FAM120A: variants seen among roughly 807,000 people sequenced by gnomAD.
FAM120A encodes the protein family with sequence similarity 120 member A, also known as constitutive coactivator of PPAR-gamma-like protein 1.
In FAM120A, 15 loss-of-function variants were observed where a neutral mutation model predicts 109.7. That is an observed-to-expected ratio of 0.14 (90% CI 0.09 to 0.21). FAM120A has a LOEUF of 0.21. Ranked by LOEUF, FAM120A falls within the 10% of genes least tolerant of loss-of-function variation. FAM120A has a pLI of 1.00. For synonymous variants in FAM120A, 493 were observed against 572.8 expected, an observed-to-expected ratio of 0.86 and a Z score of 1.99; for missense variants, 899 against 1,439.3, an observed-to-expected ratio of 0.62 and a Z score of 6.07.
At chr9:93,466,748 G>A (rs941687137) in intron 1 of FAM120A, among the ~76,000 whole-genome samples, 1 of 152,044 alleles carries the variant, frequency 6.6e-6, no homozygotes, top group African/African-American at 2.4e-5. Flanking sequence ...CCTGAACACC[G>A]GTTCTCACTG....
chr9:93,498,184 G>A lies in FAM120A; in HGVS notation c.933+585G>A, dbSNP rs1381381938. Among the ~76,000 whole-genome samples the A allele has an allele frequency of 6.6e-6, 1 of 152,184 alleles. No individual in the cohort carries two copies. Among genetic ancestry groups the A allele is most frequent in the Non-Finnish European group, 1.5e-5 (1 of 68,032 alleles). ...CCGAGGCGGGCGGATCACGAGGTCA[G>A]GAGTTTGAGACTAGCCTGGCCAACA... On this transcript the variant is annotated intron_variant, in intron 4 of 17. Coordinates refer to ENST00000277165, the MANE Select transcript of FAM120A (RefSeq NM_014612.5). This position sits in a 1 kb window ranked among gnomAD's most constrained non-coding sequence, Gnocchi z 4.4.
At chr9:93,512,379 A>G (rs1169278122) in intron 5 of FAM120A, among the ~76,000 whole-genome samples, 2 of 152,258 alleles carry the variant, frequency 1.3e-5, no homozygotes, top group Admixed American at 1.3e-4. Context: ...TAACAAGTCA[A>G]GATCATACAG....
intron 3 of FAM120A, among the ~76,000 whole-genome samples, chr9:93,483,688 T>C (rs1420403271): frequency 6.6e-6 from 1 of 152,228 alleles, no homozygotes; most frequent in African/African-American, 2.4e-5. Flanking sequence ...TAAAAATGTC[T>C]GTCTTGCTAG....
At chr9:93,457,077 T>C (rs1188659482) in intron 1 of FAM120A, among the ~76,000 whole-genome samples, 1 of 152,242 alleles carries the variant, frequency 6.6e-6, no homozygotes. Context: ...TCCTTAACTT[T>C]TAAGGCTAAG....
chr9:93,535,866 C>T (rs1861495865), intron 10 of FAM120A, among the ~76,000 whole-genome samples: 1 of 152,232 alleles, frequency 6.6e-6, no homozygotes, highest in African/African-American at 2.4e-5. Context: ...GTAATGTGCA[C>T]AGTGTGATCT....
Position 93,561,102 on chromosome 9 carries a change from T to C in FAM120A, c.2807-7T>C, listed in dbSNP as rs1233387258. The C allele has an allele frequency of 6.2e-7, 1 of 1,612,574 alleles. No homozygotes were observed. Among genetic ancestry groups the C allele is most frequent in the East Asian group, 2.2e-5 (1 of 44,830 alleles). ...AGATTTTGTCTTTTTGTATATTTTT[T>C]ATGCAGGAGTCCAACCTATACCTTC... On this transcript the variant is annotated splice_region_variant and splice_polypyrimidine_tract_variant and intron_variant, in intron 15 of 17. Transcript: ENST00000277165.
chr9:93,471,094 C>T, intron 1 of FAM120A, 47 bp from the exon 2 acceptor site: 1 of 1,595,086 alleles, frequency 6.3e-7, no homozygotes, highest in Non-Finnish European at 8.6e-7. Context: ...GAGCTTGTTG[C>T]TACAGTGTTA....
At chr9:93,455,941 G>A (rs1205326408) in intron 1 of FAM120A, among the ~76,000 whole-genome samples, 1 of 152,200 alleles carries the variant, frequency 6.6e-6, no homozygotes, top group African/African-American at 2.4e-5. Context: ...GATTACGGGC[G>A]TGAGCCACTG....
At chr9:93,501,210 G>A (rs1859786525) in intron 5 of FAM120A, among the ~76,000 whole-genome samples, 2 of 152,164 alleles carry the variant, frequency 1.3e-5, no homozygotes. Context: ...TCCTTAGAGT[G>A]TACTTGGGAC....
intron 7 of FAM120A, among the ~76,000 whole-genome samples, chr9:93,517,863 G>A (rs1588872832): frequency 1.3e-5 from 2 of 152,276 alleles, no homozygotes; most frequent in South Asian, 4.1e-4. Context: ...AGCTGAACTT[G>A]GAGTGAGTAG....
At chr9:93,508,618 G>A (rs1374896103) in intron 5 of FAM120A, among the ~76,000 whole-genome samples, 1 of 152,202 alleles carries the variant, frequency 6.6e-6, no homozygotes, top group Non-Finnish European at 1.5e-5. Flanking sequence ...TGAGGGAGAA[G>A]CTGGGTTGGT....
At chr9:93,503,340 C>T (rs1279152266) in intron 5 of FAM120A, among the ~76,000 whole-genome samples, 2 of 152,152 alleles carry the variant, frequency 1.3e-5, no homozygotes, top group African/African-American at 4.8e-5. Flanking sequence ...ACCAATATGT[C>T]TTCAGTAGGT....
intron 7 of FAM120A, among the ~76,000 whole-genome samples, chr9:93,526,611 GC>G (rs1481204835): frequency 1.3e-5 from 2 of 151,640 alleles, no homozygotes; most frequent in African/African-American, 4.9e-5. Context: ...ATCTCGCTTT[GC>G]CTAGAGTGTA....
At chr9:93,513,352 G>A (rs1860420785) in intron 5 of FAM120A, among the ~76,000 whole-genome samples, 1 of 152,242 alleles carries the variant, frequency 6.6e-6, no homozygotes, top group Non-Finnish European at 1.5e-5. Context: ...GGGTGTGTTT[G>A]TGTGCACTTC....
At chr9:93,553,832 G>A (rs1862189535) in intron 12 of FAM120A, among the ~76,000 whole-genome samples, 1 of 151,980 alleles carries the variant, frequency 6.6e-6, no homozygotes, top group Non-Finnish European at 1.5e-5. Flanking sequence ...AATGAAAAAA[G>A]CAGTGCTTGA....
At chr9:93,560,927 GT>G (rs1408940725) in intron 15 of FAM120A, among the ~76,000 whole-genome samples, 181 bp from the exon 16 acceptor site, 21 of 152,206 alleles carry the variant, frequency 1.4e-4, no homozygotes, top group African/African-American at 3.6e-4. Context: ...CTTCACAGTA[GT>G]TTAAAGTCAA....
intron 10 of FAM120A, 61 bp from the exon 11 acceptor site, chr9:93,543,161 T>G (rs1588899508): frequency 1.3e-6 from 2 of 1,570,286 alleles, no homozygotes; most frequent in East Asian, 4.5e-5. Flanking sequence ...TTGTTTTTGT[T>G]AAGACTGAAA....
intron 3 of FAM120A, 113 bp downstream of exon 3, chr9:93,476,451 A>G: frequency 4.4e-6 from 3 of 680,234 alleles, no homozygotes; most frequent in Non-Finnish European, 7.7e-6. Context: ...TAGCAATACC[A>G]TGTTTTCCCA....
intron 5 of FAM120A, among the ~76,000 whole-genome samples, chr9:93,507,710 C>T (rs572818688): frequency 6.6e-5 from 10 of 152,244 alleles, no homozygotes; most frequent in East Asian, 3.9e-4. Context: ...AAGATGAGGG[C>T]GCTGCCTGAT....
Sources: gnomAD v4.1 joint callset for allele counts (sites outside exome capture counted in the v4.1 genomes callset) on GRCh38, gnomAD v4.1.1 for gene constraint, Gnocchi (gnomAD v3.1) non-coding constraint, MANE v1.5 for transcripts, NCBI Gene and HGNC (gene_info 2026-07-23, HGNC 2026-07-21) for gene names.